Variants in MTREX observed in about 807,000 individuals in gnomAD.
MTREX encodes exosome RNA helicase MTR4.
Under a neutral mutation model 135.4 loss-of-function variants are expected in MTREX, and 76 were observed. That is an observed-to-expected ratio of 0.56 (90% CI 0.47 to 0.68). MTREX has a LOEUF of 0.68. MTREX is among the 30% of genes least tolerant of loss of function. The probability of loss-of-function intolerance (pLI) is 0.00; values close to 1 mark genes in which losing one functional copy is unlikely to be tolerated. For synonymous variants in MTREX, 404 were observed against 401.6 expected, an observed-to-expected ratio of 1.01 and a Z score of -0.07; for missense variants, 920 against 1,262.1, an observed-to-expected ratio of 0.73 and a Z score of 4.11.
chr5:55,348,133 A>T (rs1386165527), intron 11 of MTREX, among the ~76,000 whole-genome samples: 4 of 152,198 alleles, frequency 2.6e-5, no homozygotes, highest in Non-Finnish European at 5.9e-5. Flanking sequence ...ATAGTTTGAG[A>T]GGCTGGAAAT....
intron 18 of MTREX, among the ~76,000 whole-genome samples, chr5:55,384,734 A>G (rs548658022): frequency 2.0e-5 from 3 of 152,136 alleles, no homozygotes; most frequent in East Asian, 1.9e-4. Flanking sequence ...CTTACCCCCT[A>G]TAGTATGTAG....
At chr5:55,349,309 C>T (rs1197011754) in intron 11 of MTREX, among the ~76,000 whole-genome samples, 1 of 151,850 alleles carries the variant, frequency 6.6e-6, no homozygotes, top group Non-Finnish European at 1.5e-5. Flanking sequence ...GTCTCAGCCT[C>T]CCAGGTAGCT....
At chr5:55,310,699 TAGG>T (rs1749098579) in intron 1 of MTREX, among the ~76,000 whole-genome samples, 1 of 152,164 alleles carries the variant, frequency 6.6e-6, no homozygotes, top group Non-Finnish European at 1.5e-5. Flanking sequence ...CTGTGTAACA[TAGG>T]AGGGCAAATC....
chr5:55,390,947 C>T (rs1750556287), intron 19 of MTREX, among the ~76,000 whole-genome samples: 1 of 152,072 alleles, frequency 6.6e-6, no homozygotes. Flanking sequence ...CTGATTTAAA[C>T]CCTTTGTCTA....
chr5:55,407,336 CAT>C (rs950366322), intron 22 of MTREX, among the ~76,000 whole-genome samples: 22 of 152,270 alleles, frequency 1.4e-4, no homozygotes, highest in Admixed American at 1.2e-3. Context: ...TAATTAATAA[CAT>C]ATCCAGGATT....
chr5:55,328,222 A>G (rs1437245984), intron 4 of MTREX, among the ~76,000 whole-genome samples: 1 of 152,194 alleles, frequency 6.6e-6, no homozygotes, highest in African/African-American at 2.4e-5. Context: ...AAAAGGCGGT[A>G]TGGTAGAGTA....
Position 55,366,652 on chromosome 5 carries a change from T to A in MTREX, c.1660-73T>A, listed in dbSNP as rs371685396. 1.4e-5 allele frequency: 16 copies of A among 1,132,846 alleles called. No homozygotes were observed. The East Asian group carries it at 3.5e-4, about 25-fold the overall frequency. The allele number at this position is 1,132,846 out of a possible 1,614,324, so 70.2% of individuals were successfully genotyped here. A position where few individuals can be genotyped will look rare whatever the true frequency, so the allele number is the denominator to read the frequency against. On this transcript the variant is annotated intron_variant, in intron 15 of 26. Transcript: ENST00000230640. ...TCTTAATGTAGACTGTTATTGAGCA[T>A]TATAGTAGGTTAAAGGTACTTGTGT...
chr5:55,425,351 T>TTAA lies in MTREX; in HGVS notation c.*581_*583dup, dbSNP rs747315682. 7.0e-6 allele frequency: 11 copies of TTAA among 1,575,296 alleles called. No individual in the cohort carries two copies. In the Admixed American group the frequency reaches 2.0e-4, roughly 28 times the overall value. ...ATATACAGCCTACAGTGCAAAATATTTAATGGTATAATTTAGATCAAGTTA... is the reference window on the plus strand; with the variant it reads ...ATATACAGCCTACAGTGCAAAATATTTAATAATGGTATAATTTAGATCAAGTTA... On this transcript the variant is annotated 3_prime_UTR_variant, in exon 27 of 27. Coordinates refer to ENST00000230640, the MANE Select transcript of MTREX (RefSeq NM_015360.5).
At chr5:55,408,917 TTTTATTTATTTATTTATTTA>T (rs140029940) in intron 22 of MTREX, among the ~76,000 whole-genome samples, 53 of 144,282 alleles carry the variant, frequency 3.7e-4, no homozygotes, top group African/African-American at 1.1e-3. Flanking sequence ...TGAACAATAT[TTTTATTTATTTATTTATTTA>T]TTTATTTATT....
In MTREX at chr5:55,425,387, AC is replaced by A. The variant is rs1751154433; in HGVS notation, c.*616del. 6.7e-7 allele frequency: 1 copy of A among 1,483,336 alleles called. No homozygotes were observed. 91.9% of individuals were successfully genotyped at this position (1,483,336 alleles called of 1,614,324 possible). On this transcript the variant is annotated 3_prime_UTR_variant, in exon 27 of 27. Coordinates refer to ENST00000230640, the MANE Select transcript of MTREX (RefSeq NM_015360.5). ...ATTTAGATCAAGTTAAAAACTACAT[AC>A]AAAGTTGTGATCAACAGCATCCTAA...
chr5:55,407,265 G>T (rs1476958549), intron 22 of MTREX, among the ~76,000 whole-genome samples: 5 of 152,286 alleles, frequency 3.3e-5, no homozygotes, highest in Admixed American at 6.5e-5. Flanking sequence ...GCCACCAAAA[G>T]GGGGCAGTGA....
At chr5:55,371,847 G>C (rs1165258370) in intron 16 of MTREX, among the ~76,000 whole-genome samples, 2 of 151,958 alleles carry the variant, frequency 1.3e-5, no homozygotes, top group Admixed American at 6.6e-5. Flanking sequence ...TTCTGGAGTG[G>C]TATGTAGCTG....
At chr5:55,374,497 G>A (rs1336003589) in intron 16 of MTREX, among the ~76,000 whole-genome samples, 1 of 151,652 alleles carries the variant, frequency 6.6e-6, no homozygotes, top group South Asian at 2.1e-4. Context: ...TCTCTCCCAG[G>A]CTGGTCTTGA....
intron 16 of MTREX, among the ~76,000 whole-genome samples, chr5:55,377,232 C>T (rs1439629233): frequency 6.6e-6 from 1 of 152,046 alleles, no homozygotes; most frequent in Admixed American, 6.6e-5. Context: ...GAGGCTGAAG[C>T]AGGAGAGTGG....
In MTREX at chr5:55,324,252, G is replaced by T. The variant is rs375127308; in HGVS notation, c.339+54G>T. The T allele has an allele frequency of 3.1e-6, 4 of 1,299,642 alleles. No individual in the cohort carries two copies. In the African/African-American group the frequency reaches 4.6e-5, roughly 15 times the overall value. The allele number at this position is 1,299,642 out of a possible 1,614,324, so 80.5% of individuals were successfully genotyped here. On this transcript the variant is annotated intron_variant, in intron 3 of 26. Coordinates refer to ENST00000230640, the MANE Select transcript of MTREX (RefSeq NM_015360.5). The stretch of plus-strand genomic sequence containing the variant: ...GTGTTACAAATGGGATTTTTCTTTG[G>T]ACTATCTAGTATGATGATCAGCAAA...
rs1261239360 is a variant in MTREX at position 55,424,788 on chromosome 5, T to C, written c.*16T>C. The C allele has an allele frequency of 6.3e-7, 1 of 1,593,906 alleles. No homozygotes were observed. The highest frequency in any genetic ancestry group is 2.2e-5 in the East Asian group (1 of 44,770). ...CTACTTGTAGAGTCAGCTAAAGGAA[T>C]GTGAGATTTTAAATTATTGACCACC... On this transcript the variant is annotated 3_prime_UTR_variant, in exon 27 of 27. Transcript: ENST00000230640.
chr5:55,402,751 C>A (rs1167914693), intron 21 of MTREX, among the ~76,000 whole-genome samples: 1 of 150,934 alleles, frequency 6.6e-6, no homozygotes, highest in African/African-American at 2.4e-5. Context: ...TTTTCCTGCC[C>A]CCTCCCCATC....
intron 23 of MTREX, among the ~76,000 whole-genome samples, chr5:55,413,148 G>T (rs1750909915): frequency 6.6e-6 from 1 of 151,972 alleles, no homozygotes; most frequent in Non-Finnish European, 1.5e-5. Flanking sequence ...ACACCAGTCT[G>T]ACCAACATGG....
In MTREX at chr5:55,410,515, C is replaced by T; in HGVS notation, c.2646-9C>T. 3 of 1,557,818 alleles carry T rather than the reference C, an allele frequency of 1.9e-6. No individual in the cohort carries two copies. Among genetic ancestry groups the T allele is most frequent in the Non-Finnish European group, 2.6e-6 (3 of 1,137,964 alleles). ...TCTGACATTTTATTCTTTTGTTTTG[C>T]CATTGTAGTGCTGATGAGCTCCTTC... On this transcript the variant is annotated splice_polypyrimidine_tract_variant and intron_variant, in intron 22 of 26. Coordinates refer to ENST00000230640, the MANE Select transcript of MTREX (RefSeq NM_015360.5).
Sources: gnomAD v4.1 joint callset for allele counts (sites outside exome capture counted in the v4.1 genomes callset) on GRCh38, gnomAD v4.1.1 for gene constraint, MANE v1.5 for transcripts, NCBI Gene and HGNC (gene_info 2026-07-23, HGNC 2026-07-21) for gene names.